The following ARHGAP32 variants were observed in gnomAD, a reference collection of about 807,000 sequenced individuals.
ARHGAP32 encodes the protein rho GTPase-activating protein 32.
A neutral mutation model predicts 186.5 loss-of-function variants in ARHGAP32; 51 were observed. The observed-to-expected ratio is 0.27, with a 90% CI of 0.22 to 0.35. ARHGAP32 has a LOEUF of 0.35. Among genes scored for constraint, ARHGAP32 ranks in the 10% least tolerant of loss-of-function variants. The probability of loss-of-function intolerance (pLI) is 1.00; values close to 1 mark genes in which losing one functional copy is unlikely to be tolerated. For synonymous variants in ARHGAP32, 950 were observed against 964.3 expected (o/e 0.99, Z 0.27); for missense variants, 2,186 against 2,623.5 (o/e 0.83, Z 3.64).
chr11:128,971,993 CAGACAGTCTTACGAATGTTTTG>C (rs1945388387), intron 22 of ARHGAP32: 1 of 152,690 alleles, frequency 6.5e-6, no homozygotes, highest in Non-Finnish European at 1.5e-5. Flanking sequence ...GTCTGCAAGG[CAGACAGTCTTACGAATGTTTTG>C]AGAATGAAGT....
At chr11:129,045,400 C>G (rs1256244848) in intron 10 of ARHGAP32, among the ~76,000 whole-genome samples, 1 of 152,102 alleles carries the variant, frequency 6.6e-6, no homozygotes, top group Non-Finnish European at 1.5e-5. Flanking sequence ...TTTCTTGAAG[C>G]CAAAATCACT....
chr11:129,245,908 T>C (rs1454559376), intron 1 of ARHGAP32, among the ~76,000 whole-genome samples: 1 of 152,130 alleles, frequency 6.6e-6, no homozygotes, highest in Non-Finnish European at 1.5e-5. Context: ...AAATAATTTA[T>C]TGGAAGTTAT....
At chr11:129,212,912 CA>C (rs1258001232) in intron 1 of ARHGAP32, among the ~76,000 whole-genome samples, 1,996 of 125,084 alleles carry the variant, frequency 0.016, 39 homozygotes, top group African/African-American at 0.05. Flanking sequence ...AATGTAGGTG[CA>C]AAAAAAAAAA....
chr11:129,088,995 CAAAAAAA>C (rs10601798), intron 6 of ARHGAP32, among the ~76,000 whole-genome samples: 27 of 84,772 alleles, frequency 3.2e-4, no homozygotes, highest in Non-Finnish European at 6.1e-4. Flanking sequence ...GAGACCTTGT[CAAAAAAA>C]AAAAAAAAAA....
intron 12 of ARHGAP32, among the ~76,000 whole-genome samples, 159 bp from the exon 13 acceptor site, chr11:128,988,284 A>G (rs4344506): frequency 6.6e-6 from 1 of 152,340 alleles, no homozygotes; most frequent in East Asian, 1.9e-4. Context: ...TGATGAGGGT[A>G]TATTTATTTA....
intron 11 of ARHGAP32, among the ~76,000 whole-genome samples, chr11:129,001,258 G>A (rs911467576): frequency 6.6e-6 from 1 of 151,960 alleles, no homozygotes; most frequent in African/African-American, 2.4e-5. Context: ...AGTGTAAAAG[G>A]GTTCCCTTTT....
In ARHGAP32 at chr11:129,141,204, AT is replaced by A. The variant is rs575330592; in HGVS notation, c.226-16311del. Reference sequence around the variant, plus strand: ...AAAGGAGAATATATCCCAAAGCAATATTCTTTGAAACTAACCATTTGAAGAC... The same window carrying A: ...AAAGGAGAATATATCCCAAAGCAATATCTTTGAAACTAACCATTTGAAGAC... On this transcript the variant is annotated intron_variant, in intron 2 of 22. Transcript: ENST00000682385. 1.9e-3 allele frequency among the ~76,000 whole-genome samples: 285 copies of A among 152,336 alleles called. 4 individuals carry two copies. The highest frequency in any genetic ancestry group is 6.7e-3 in the African/African-American group (280 of 41,578).
intron 1 of ARHGAP32, among the ~76,000 whole-genome samples, chr11:129,179,988 G>A (rs1371119568): frequency 6.6e-6 from 1 of 151,686 alleles, no homozygotes; most frequent in African/African-American, 2.4e-5. Flanking sequence ...TTTATTTGAA[G>A]ACATAACATG....
At position 128,971,069 on chromosome 11, in the gene ARHGAP32, C is replaced by G; in HGVS notation, c.4144G>C (p.Ala1382Pro). ...GTAGCCATGGGACACTGAGCAGCAG[C>G]AGCACCACTGTCACTGATGAAGGCA... ...ASAFISDSGA[A>P]AAQCPMATAV... Residue 1382 changes from alanine to proline, a missense_variant, in exon 23 of 23, where the codon GCT (alanine) becomes CCT (proline). Ala to Pro is a conservative substitution (Grantham distance 27). Around this residue, in one of 5 missense-constraint regions of ARHGAP32, gnomAD observed 1,502 missense variants for 1,570.0 expected, o/e 0.96. Coordinates refer to ENST00000682385, the MANE Select transcript of ARHGAP32 (RefSeq NM_001378024.1). 6.2e-7 allele frequency: 1 copy of G among 1,614,212 alleles called. No homozygotes were observed. The highest frequency in any genetic ancestry group is 8.5e-7 in the Non-Finnish European group (1 of 1,180,042).
intron 1 of ARHGAP32, among the ~76,000 whole-genome samples, chr11:129,237,714 G>T (rs557842332): frequency 5.3e-5 from 8 of 152,254 alleles, no homozygotes; most frequent in African/African-American, 1.4e-4. Context: ...AGGAGAAAAG[G>T]CTCCAGAAAT....
intron 6 of ARHGAP32, among the ~76,000 whole-genome samples, chr11:129,080,556 G>A (rs1365390145): frequency 3.9e-5 from 6 of 152,078 alleles, no homozygotes; most frequent in African/African-American, 9.7e-5. Context: ...TGAACTGAAC[G>A]ATAACAGAGA....
In ARHGAP32 at chr11:129,040,330, AT is replaced by A. The variant is rs564103265; in HGVS notation, c.1045+597del. Among the ~76,000 whole-genome samples the A allele has an allele frequency of 4.7e-3, 711 of 151,606 alleles. 8 individuals are homozygous for A. The highest frequency in any genetic ancestry group is 0.017 in the African/African-American group (683 of 41,344). On this transcript the variant is annotated intron_variant, in intron 11 of 22. Transcript: ENST00000682385. ...CCAAAGCTTTTTAGACTTTGTTTGA[AT>A]TTTTTTTTAATCGACATCATCAAAA...
Position 128,973,246 on chromosome 11 carries a change from C to G in ARHGAP32, c.3260G>C (p.Gly1087Ala), listed in dbSNP as rs765336386. 1.2e-6 allele frequency: 2 copies of G among 1,614,130 alleles called. No individual in the cohort carries two copies. The highest frequency in any genetic ancestry group is 2.2e-5 in the South Asian group (2 of 91,072). ...TTCAGTTGTAGCCACCGCTATGTCT[C>G]CATAATTTGTATACCCAGCCTGAGA... Reference protein sequence around the residue: ...GTSQAGYTNYGDIAVATTEDN... With the variant: ...GTSQAGYTNYADIAVATTEDN... Residue 1087 changes from glycine (G) to alanine (A), a missense_variant, in exon 22 of 23, where the codon GGA becomes GCA. By Grantham distance (60) the Gly-to-Ala change is moderately conservative. Coordinates refer to ENST00000682385, the MANE Select transcript of ARHGAP32 (RefSeq NM_001378024.1).
At chr11:129,216,691 A>AAAAAG (rs1565471296) in intron 1 of ARHGAP32, among the ~76,000 whole-genome samples, 2 of 143,576 alleles carry the variant, frequency 1.4e-5, no homozygotes, top group Non-Finnish European at 3.0e-5. Context: ...AAAAAAAAAA[A>AAAAAG]AAGACAATCT....
upstream of ARHGAP32, among the ~76,000 whole-genome samples, chr11:129,193,674 A>ATT (rs1565464822): frequency 2.0e-5 from 1 of 50,012 alleles, no homozygotes; most frequent in African/African-American, 8.1e-5. Context: ...TATTATATAT[A>ATT]ATATATAATA....
At chr11:129,145,363 G>A (rs1943146967) in intron 2 of ARHGAP32, among the ~76,000 whole-genome samples, 2 of 115,698 alleles carry the variant, frequency 1.7e-5, no homozygotes, top group African/African-American at 2.9e-5. Context: ...AAAAGAGTAT[G>A]AATAGAAGAA....
chr11:129,065,651 T>C (rs1291393014), intron 7 of ARHGAP32, among the ~76,000 whole-genome samples: 1 of 152,158 alleles, frequency 6.6e-6, no homozygotes, highest in East Asian at 1.9e-4. Context: ...CCTGAGACCC[T>C]GCTGCAGTGT....
At chr11:129,135,164 G>C (rs1942906998) in intron 2 of ARHGAP32, among the ~76,000 whole-genome samples, 1 of 152,118 alleles carries the variant, frequency 6.6e-6, no homozygotes, top group South Asian at 2.1e-4. Context: ...CTTATCTGCA[G>C]AAATTGGGAA....
intron 2 of ARHGAP32, among the ~76,000 whole-genome samples, chr11:129,134,349 A>G (rs537151437): frequency 6.6e-6 from 1 of 152,340 alleles, no homozygotes; most frequent in African/African-American, 2.4e-5. Flanking sequence ...GGATGTATGT[A>G]CCACATCTAT....
Sources: allele counts gnomAD v4.1 joint callset (sites outside exome capture counted in the v4.1 genomes callset), GRCh38; gene constraint gnomAD v4.1.1; regional missense constraint gnomAD v4.1.1; transcripts MANE v1.5; gene names NCBI Gene and HGNC (gene_info 2026-07-23, HGNC 2026-07-21).